KIN: variants seen among roughly 807,000 people sequenced by gnomAD.
The protein encoded by KIN is DNA/RNA-binding protein KIN17.
In KIN, 47 loss-of-function variants were observed where a neutral mutation model predicts 63.0. The ratio of observed to expected loss-of-function variants is 0.75; its 90% CI spans 0.59 to 0.95. KIN has a LOEUF of 0.95. KIN is among the 40% of genes least tolerant of loss of function. The pLI, the probability that KIN is intolerant of heterozygous loss-of-function variation, is 0.00. For missense variants in KIN, 408 were observed against 460.9 expected (o/e 0.89, Z 1.05); for synonymous variants, 160 against 157.7 (o/e 1.01, Z -0.11).
chr10:7,763,573 A>G (rs1835480517), intron 10 of KIN, 150 bp downstream of exon 10: 1 of 606,556 alleles, frequency 1.6e-6, no homozygotes, highest in Non-Finnish European at 2.9e-6. Context: ...TCCAACAATC[A>G]TGAATTCAGC....
chr10:7,762,533 A>G lies in KIN; in HGVS notation c.942T>C (p.Ala314=). 1 of 1,608,516 alleles carries G rather than the reference A, an allele frequency of 6.2e-7. No individual in the cohort carries two copies. Among genetic ancestry groups the G allele is most frequent in the Non-Finnish European group, 8.5e-7 (1 of 1,176,152 alleles). ...CTCCAGAATCAATCATCTTCACAAC[A>G]GCTGTATATTTGTCAATTACTTCCT... ...IVKEVIDKYT[A]VVKMIDSGDK... Residue 314 remains alanine, a synonymous_variant, in exon 11 of 13, where the codon GCT becomes GCC. Coordinates refer to ENST00000379562, the MANE Select transcript of KIN (RefSeq NM_012311.4).
intron 12 of KIN, 150 bp downstream of exon 12, chr10:7,759,740 C>A (rs865989664): frequency 2.1e-6 from 1 of 480,728 alleles, no homozygotes; most frequent in Non-Finnish European, 3.6e-6. Flanking sequence ...ATGGCAGAGT[C>A]ACTGGAGAAA....
chr10:7,787,516 A>C (rs1836047480), intron 1 of KIN, among the ~76,000 whole-genome samples: 1 of 152,154 alleles, frequency 6.6e-6, no homozygotes, highest in Non-Finnish European at 1.5e-5. Flanking sequence ...GGCGTCTAGT[A>C]TTGCAGTATC....
chr10:7,758,099 G>A (rs1433914953), intron 12 of KIN, among the ~76,000 whole-genome samples: 1 of 139,880 alleles, frequency 7.1e-6, no homozygotes, highest in South Asian at 2.2e-4. Flanking sequence ...TTTTTGAGAC[G>A]GAGTCTCGCT....
chr10:7,774,635 C>A (rs1835731980), intron 7 of KIN, among the ~76,000 whole-genome samples, 196 bp downstream of exon 7: 1 of 151,270 alleles, frequency 6.6e-6, no homozygotes, highest in Admixed American at 6.6e-5. Context: ...CGAGGCCAGC[C>A]TGGGCAACAT....
Position 7,787,765 on chromosome 10 carries a change from T to C in KIN, c.114+55A>G. ...CCTCAGCCCCGCGTCCAGGACCTGA[T>C]CCTGGATTGCCAGGGGCCCTCCTGG... On this transcript the variant is annotated intron_variant, in intron 1 of 12. Transcript: ENST00000379562. The C allele has an allele frequency of 7.9e-6, 11 of 1,387,550 alleles. No homozygotes were observed. In the South Asian group the frequency reaches 1.2e-4, roughly 15 times the overall value. The allele number at this position is 1,387,550 out of a possible 1,614,324, so 86.0% of individuals were successfully genotyped here.
At position 7,759,889 on chromosome 10, in the gene KIN, C is replaced by G. The variant is rs1835405531; in HGVS notation, c.1119+1G>C. On this transcript the variant is annotated splice_donor_variant, in intron 12 of 12. Transcript: ENST00000379562. LOFTEE classifies it high-confidence loss of function. ...TTCTGTCTTTGTGTAAACAAACTTA[C>G]AGTTTCAATGACGATAGTAGCTGAA... The G allele has an allele frequency of 6.9e-7, 1 of 1,449,128 alleles. No homozygotes were observed. Among genetic ancestry groups the G allele is most frequent in the Admixed American group, 1.8e-5 (1 of 55,200 alleles). The allele number at this position is 1,449,128 out of a possible 1,614,324, so 89.8% of individuals were successfully genotyped here. A position where few individuals can be genotyped will look rare whatever the true frequency, so the allele number is the denominator to read the frequency against.
chr10:7,785,518 C>T (rs567572922), intron 1 of KIN, among the ~76,000 whole-genome samples: 1 of 152,160 alleles, frequency 6.6e-6, no homozygotes, highest in South Asian at 2.1e-4. Flanking sequence ...GACGGCTGGG[C>T]GCAGTGGTTC....
chr10:7,778,308 T>C (rs74883364), intron 5 of KIN, among the ~76,000 whole-genome samples: 7 of 152,216 alleles, frequency 4.6e-5, no homozygotes, highest in African/African-American at 1.4e-4. Context: ...GGAAATATTA[T>C]GCAATTATAC....
At chr10:7,760,339 G>A (rs1588470664) in intron 11 of KIN, among the ~76,000 whole-genome samples, 1 of 152,134 alleles carries the variant, frequency 6.6e-6, no homozygotes, top group Non-Finnish European at 1.5e-5. Flanking sequence ...AAATTCATAA[G>A]ATGGTTTGGC....
chr10:7,771,119 T>C (rs1436900718), intron 7 of KIN, among the ~76,000 whole-genome samples: 5 of 128,768 alleles, frequency 3.9e-5, no homozygotes, highest in African/African-American at 1.5e-4. Context: ...ATAATGGACA[T>C]GGGTTTTGAA....
chr10:7,784,746 T>C (rs1835964947), intron 1 of KIN, among the ~76,000 whole-genome samples: 4 of 152,142 alleles, frequency 2.6e-5, no homozygotes, highest in Non-Finnish European at 5.9e-5. Flanking sequence ...CAGGCAAGGA[T>C]GCTAAAACAC....
intron 5 of KIN, among the ~76,000 whole-genome samples, chr10:7,778,126 T>C (rs1275799456): frequency 6.6e-6 from 1 of 152,148 alleles, no homozygotes; most frequent in African/African-American, 2.4e-5. Flanking sequence ...TGGGGTTGTA[T>C]CCACCCTCAA....
chr10:7,775,820 A>C, intron 5 of KIN, 21 bp from the exon 6 acceptor site: 1 of 1,510,938 alleles, frequency 6.6e-7, no homozygotes, highest in Non-Finnish European at 9.0e-7. Context: ...GAAAGTTTTA[A>C]GGTTTTGGTG....
At position 7,787,975 on chromosome 10, in the gene KIN, G is replaced by C. The variant is rs759208217; in HGVS notation, c.-42C>G. The C allele has an allele frequency of 3.3e-6, 5 of 1,502,788 alleles. No homozygotes were observed. The East Asian group carries it at 9.0e-5, about 27-fold the overall frequency. The allele number at this position is 1,502,788 out of a possible 1,614,324, so 93.1% of individuals were successfully genotyped here. On this transcript the variant is annotated 5_prime_UTR_variant, in exon 1 of 13. Coordinates refer to ENST00000379562, the MANE Select transcript of KIN (RefSeq NM_012311.4). ...ATCACTTTCTGGACCCCAGTACTCA[G>C]CCAGCCGGAAACGGAACCGGGCTGG...
chr10:7,779,919 C>A, intron 4 of KIN, 137 bp downstream of exon 4: 1 of 747,994 alleles, frequency 1.3e-6, no homozygotes, highest in Non-Finnish European at 2.2e-6. Flanking sequence ...AAATTATGCT[C>A]CCAAAATGGA....
chr10:7,774,502 C>T (rs1412483896), intron 7 of KIN, among the ~76,000 whole-genome samples: 1 of 151,918 alleles, frequency 6.6e-6, no homozygotes, highest in Non-Finnish European at 1.5e-5. Flanking sequence ...AAAACACAAT[C>T]ATCTCATAAC....
At chr10:7,781,468 T>C (rs1430931950) in intron 2 of KIN, among the ~76,000 whole-genome samples, 1 of 151,982 alleles carries the variant, frequency 6.6e-6, no homozygotes, top group Non-Finnish European at 1.5e-5. Flanking sequence ...ATAATTTTGT[T>C]TGGCCTGGGT....
intron 8 of KIN, among the ~76,000 whole-genome samples, chr10:7,767,105 A>G (rs560514781): frequency 3.5e-4 from 54 of 152,280 alleles, no homozygotes; most frequent in African/African-American, 1.2e-3. Flanking sequence ...TATATTCAAA[A>G]AAGGTCGATT....
Sources: allele counts gnomAD v4.1 joint callset (sites outside exome capture counted in the v4.1 genomes callset), GRCh38; gene constraint gnomAD v4.1.1; transcripts MANE v1.5; gene names NCBI Gene and HGNC (gene_info 2026-07-23, HGNC 2026-07-21).